CSMD1: variants seen among roughly 807,000 people sequenced by gnomAD.
CSMD1 encodes CUB and sushi domain-containing protein 1.
A neutral mutation model predicts 417.5 loss-of-function variants in CSMD1; 213 were observed. The observed-to-expected ratio is 0.51, with a 90% confidence interval of 0.46 to 0.57. CSMD1 has a LOEUF of 0.57. Among genes scored for constraint, CSMD1 ranks in the 20% least tolerant of loss-of-function variants. CSMD1 has a pLI of 0.00. For synonymous variants in CSMD1, 2,862 were observed against 1,736.8 expected (o/e 1.65, Z -16.11); for missense variants, 6,923 against 4,529.7 (o/e 1.53, Z -15.17).
chr8:4,410,685 A>G (rs1380343564), intron 3 of CSMD1, among the ~76,000 whole-genome samples: 7 of 152,236 alleles, frequency 4.6e-5, no homozygotes, highest in African/African-American at 1.7e-4. Flanking sequence ...TATACTGGAA[A>G]AAAATTAATA....
At chr8:3,349,115 G>A (rs534168409) in intron 21 of CSMD1, among the ~76,000 whole-genome samples, 177 of 152,312 alleles carry the variant, frequency 1.2e-3, no homozygotes, top group African/African-American at 3.5e-3. Context: ...CTATTCTTTT[G>A]AAGAATAATT....
At chr8:3,557,090 G>A (rs751699091) in intron 10 of CSMD1, among the ~76,000 whole-genome samples, 1 of 152,172 alleles carries the variant, frequency 6.6e-6, no homozygotes, top group Non-Finnish European at 1.5e-5. Context: ...ACACAATACA[G>A]GCGGCCAAAT....
At chr8:3,358,187 T>C (rs1325444886) in intron 21 of CSMD1, among the ~76,000 whole-genome samples, 2 of 152,230 alleles carry the variant, frequency 1.3e-5, no homozygotes, top group African/African-American at 4.8e-5. Flanking sequence ...CTCCAGTTCG[T>C]TAACTGGTGA....
intron 2 of CSMD1, among the ~76,000 whole-genome samples, chr8:4,507,720 T>A (rs1242057776): frequency 6.6e-6 from 1 of 152,166 alleles, no homozygotes; most frequent in Non-Finnish European, 1.5e-5. Context: ...AATGACATTT[T>A]CAAGCTAAGA....
chr8:4,080,417 A>C (rs1051201185), intron 3 of CSMD1, among the ~76,000 whole-genome samples: 3 of 152,234 alleles, frequency 2.0e-5, no homozygotes, highest in African/African-American at 7.2e-5. Context: ...ACTGGTGAGT[A>C]ATCATGCCAT....
intron 2 of CSMD1, among the ~76,000 whole-genome samples, chr8:4,504,728 T>G (rs971157377): frequency 1.3e-5 from 2 of 152,076 alleles, no homozygotes; most frequent in Non-Finnish European, 2.9e-5. Flanking sequence ...TCAGAACATG[T>G]GATGTTTGGT....
At chr8:3,162,025 T>G in intron 38 of CSMD1, 134 bp downstream of exon 38, 1 of 605,304 alleles carries the variant, frequency 1.7e-6, no homozygotes, top group Non-Finnish European at 3.0e-6. Flanking sequence ...CCAACATGCA[T>G]GATTTAATAT....
chr8:3,847,314 C>G (rs1803574328), intron 5 of CSMD1, among the ~76,000 whole-genome samples: 1 of 152,080 alleles, frequency 6.6e-6, no homozygotes, highest in Non-Finnish European at 1.5e-5. Context: ...AGAACCTGAC[C>G]TACTTAGAGG....
intron 4 of CSMD1, among the ~76,000 whole-genome samples, chr8:4,007,838 TAAG>T (rs1429230635): frequency 1.3e-5 from 2 of 152,138 alleles, no homozygotes; most frequent in African/African-American, 4.8e-5. Context: ...ATATCCTCTC[TAAG>T]AATAGAAGAA....
At chr8:3,844,901 TTGTC>T (rs757253666) in intron 5 of CSMD1, among the ~76,000 whole-genome samples, 28 of 134,916 alleles carry the variant, frequency 2.1e-4, no homozygotes, top group Non-Finnish European at 2.1e-4. Flanking sequence ...TTGTCAATAT[TTGTC>T]TGTGCATTTA....
At chr8:4,650,006 T>C (rs915019772) in intron 1 of CSMD1, among the ~76,000 whole-genome samples, 5 of 152,170 alleles carry the variant, frequency 3.3e-5, no homozygotes, top group African/African-American at 1.2e-4. Context: ...GAGAACTTGA[T>C]TGATATTAGA....
chr8:4,238,737 T>G (rs940113012), intron 3 of CSMD1, among the ~76,000 whole-genome samples: 4 of 152,178 alleles, frequency 2.6e-5, no homozygotes, highest in African/African-American at 7.2e-5. Context: ...TTCTCTTGCT[T>G]CCAATTAAAG....
intron 3 of CSMD1, among the ~76,000 whole-genome samples, chr8:4,074,526 G>A (rs947303541): frequency 2.6e-5 from 4 of 152,024 alleles, no homozygotes; most frequent in African/African-American, 7.2e-5. Context: ...TGATATTTGA[G>A]AACATGAGCT....
intron 41 of CSMD1, among the ~76,000 whole-genome samples, chr8:3,134,213 G>GA (rs1250569163): frequency 2.0e-5 from 3 of 151,994 alleles, no homozygotes; most frequent in African/African-American, 7.3e-5. Flanking sequence ...ACAAAAGAAA[G>GA]AAAAGAAAGA....
intron 49 of CSMD1, among the ~76,000 whole-genome samples, chr8:3,061,516 G>C (rs577686052): frequency 6.6e-6 from 1 of 152,082 alleles, no homozygotes; most frequent in Admixed American, 6.6e-5. Flanking sequence ...GGATGCACTC[G>C]AGCAAACACT....
chr8:4,080,756 G>A (rs969092809), intron 3 of CSMD1, among the ~76,000 whole-genome samples: 1 of 152,066 alleles, frequency 6.6e-6, no homozygotes, highest in Admixed American at 6.5e-5. Context: ...TTTAATATAA[G>A]GTGAATAAGA....
chr8:4,601,699 G>A (rs1320225731), intron 2 of CSMD1, among the ~76,000 whole-genome samples: 1 of 152,194 alleles, frequency 6.6e-6, no homozygotes, highest in Non-Finnish European at 1.5e-5. Context: ...AGGGGATCGT[G>A]ATCTCCACTC....
intron 1 of CSMD1, among the ~76,000 whole-genome samples, chr8:4,915,843 C>T (rs992232537): frequency 3.3e-5 from 5 of 152,224 alleles, no homozygotes; most frequent in African/African-American, 1.2e-4. Context: ...GTCACAATGG[C>T]ATCCTGCCTA....
At chr8:3,026,445 C>A (rs1809933733) in intron 51 of CSMD1, among the ~76,000 whole-genome samples, 1 of 151,556 alleles carries the variant, frequency 6.6e-6, no homozygotes, top group Non-Finnish European at 1.5e-5. Context: ...CCTCACTGGG[C>A]CTGACTGGAC....
Sources: gnomAD v4.1 joint callset for allele counts (sites outside exome capture counted in the v4.1 genomes callset) on GRCh38, gnomAD v4.1.1 for gene constraint, MANE v1.5 for transcripts, NCBI Gene and HGNC (gene_info 2026-07-23, HGNC 2026-07-21) for gene names.